Variants in CMTM4 observed in about 807,000 individuals in gnomAD.
CMTM4 encodes the protein CKLF like MARVEL transmembrane domain containing 4, also known as CKLF-like MARVEL transmembrane domain-containing protein 4.
A neutral mutation model predicts 19.0 loss-of-function variants in CMTM4; 8 were observed. The ratio of observed to expected loss-of-function variants is 0.42; its 90% CI spans 0.25 to 0.76. The LOEUF (loss-of-function observed/expected upper bound fraction) is 0.76, where lower values mean the gene tolerates loss of function less well. Ranked by LOEUF, CMTM4 falls within the 30% of genes least tolerant of loss-of-function variation. The pLI is 0.27. For synonymous variants in CMTM4, 106 were observed against 121.1 expected (o/e 0.88, Z 0.82); for missense variants, 228 against 290.2 (o/e 0.79, Z 1.56).
intron 1 of CMTM4, among the ~76,000 whole-genome samples, chr16:66,663,488 T>C (rs142832765): frequency 6.6e-6 from 1 of 151,928 alleles, no homozygotes; most frequent in African/African-American, 2.4e-5. Flanking sequence ...CCCATCCATT[T>C]TTATTTTGGA....
intron 1 of CMTM4, among the ~76,000 whole-genome samples, chr16:66,640,541 A>G (rs2016080585): frequency 6.6e-6 from 1 of 152,114 alleles, no homozygotes; most frequent in East Asian, 1.9e-4. Flanking sequence ...TCTCACTCTG[A>G]GTGTGATGGA....
chr16:66,625,000 A>G (rs1045370465), intron 2 of CMTM4, among the ~76,000 whole-genome samples: 3 of 151,460 alleles, frequency 2.0e-5, no homozygotes, highest in African/African-American at 7.2e-5. Flanking sequence ...AGGGGTAAAA[A>G]AAGAATATAA....
At chr16:66,623,581 A>C in intron 2 of CMTM4, 79 bp from the exon 3 acceptor site, 1 of 1,021,400 alleles carries the variant, frequency 9.8e-7, no homozygotes, top group Non-Finnish European at 1.4e-6. Context: ...AACTTTCAAA[A>C]TAAGACCCAC....
chr16:66,605,059 A>G, the CMTM4 span: 1 of 1,020,836 alleles, frequency 9.8e-7, no homozygotes, highest in South Asian at 2.6e-5. The surrounding 1 kb of genome is among the most constrained non-coding windows in gnomAD (Gnocchi z 4.6). Context: ...GTGCTCCGAT[A>G]CCCCCTCTCC....
intron 1 of CMTM4, among the ~76,000 whole-genome samples, chr16:66,666,320 G>T (rs951401352): frequency 2.0e-5 from 3 of 151,902 alleles, no homozygotes; most frequent in African/African-American, 4.8e-5. Flanking sequence ...AGGCGTCATG[G>T]CGGGCGCCTG....
At chr16:66,609,389 G>A in the CMTM4 span, 1 of 1,553,482 alleles carries the variant, frequency 6.4e-7, no homozygotes, top group Non-Finnish European at 8.8e-7. This position sits in a 1 kb window ranked among gnomAD's most constrained non-coding sequence, Gnocchi z 4.4. Flanking sequence ...TCCCCATGCT[G>A]TGCTCAGCTC....
At chr16:66,690,896 C>T (rs1157801516) in intron 1 of CMTM4, among the ~76,000 whole-genome samples, 1 of 151,922 alleles carries the variant, frequency 6.6e-6, no homozygotes, top group Non-Finnish European at 1.5e-5. Flanking sequence ...TGCTTGAGCT[C>T]AGGAGTTCGA....
intron 2 of CMTM4, among the ~76,000 whole-genome samples, chr16:66,628,253 C>T (rs1246104512): frequency 1.3e-5 from 2 of 152,214 alleles, no homozygotes; most frequent in African/African-American, 4.8e-5. Context: ...CTTTCTCTAT[C>T]TCAACTGCAA....
Position 66,696,300 on chromosome 16 carries a change from A to G in CMTM4, c.186+40T>C, listed in dbSNP as rs1180835342. 15 of 1,272,114 alleles carry G rather than the reference A, an allele frequency of 1.2e-5. No individual in the cohort carries two copies. The highest frequency in any genetic ancestry group is 1.4e-5 in the Non-Finnish European group (14 of 1,006,000). 78.8% of individuals were successfully genotyped at this position (1,272,114 alleles called of 1,614,324 possible). ...GGGGCGGGGAGGGAGGCGTGCGGCT[A>G]GGCCGCCCTCGGGCACCTGGGGCCC... is the stretch of plus-strand genomic sequence containing the variant. On this transcript the variant is annotated intron_variant, in intron 1 of 3. Transcript: ENST00000394106. The surrounding 1 kb of genome is among the most constrained non-coding windows in gnomAD (Gnocchi z 4.3).
rs907249286 is a variant in CMTM4 at position 66,619,747 on chromosome 16, T to C, written c.*2311A>G. On this transcript the variant is annotated 3_prime_UTR_variant, in exon 4 of 4. Transcript: ENST00000394106. ...TCCATAGCACCACTTCCGGTTCTAG[T>C]GGGAGTTAATTAAATACAAGGAGAA... 2.0e-6 allele frequency: 2 copies of C among 985,312 alleles called. No homozygotes were observed. The highest frequency in any genetic ancestry group is 4.7e-5 in the South Asian group (1 of 21,276). 61.0% of individuals were successfully genotyped at this position (985,312 alleles called of 1,614,324 possible).
chr16:66,681,669 C>A (rs2016918148), intron 1 of CMTM4, among the ~76,000 whole-genome samples: 1 of 152,180 alleles, frequency 6.6e-6, no homozygotes, highest in Admixed American at 6.5e-5. Context: ...TTCGTACCAG[C>A]CACATTTCAA....
At chr16:66,624,273 A>G (rs1235549830) in intron 2 of CMTM4, among the ~76,000 whole-genome samples, 1 of 152,232 alleles carries the variant, frequency 6.6e-6, no homozygotes, top group Non-Finnish European at 1.5e-5. Flanking sequence ...AGTGGCCTAC[A>G]TATTTACTGT....
At chr16:66,608,575 C>A in the CMTM4 span, 1 of 1,123,546 alleles carries the variant, frequency 8.9e-7, no homozygotes, top group Non-Finnish European at 1.3e-6. The surrounding 1 kb of genome is among the most constrained non-coding windows in gnomAD (Gnocchi z 5.1). Context: ...CTGGAGTTTG[C>A]AGTTGGTTAG....
chr16:66,621,840 C>T lies in CMTM4; in HGVS notation c.*218G>A, dbSNP rs1013887002. On this transcript the variant is annotated 3_prime_UTR_variant, in exon 4 of 4. Transcript: ENST00000394106. ...CTCAAGTGGACCTGGGCAGTGACGC[C>T]GGCTGCTCCACAGCCCCAAACGCTG... 2.2e-5 allele frequency: 30 copies of T among 1,392,826 alleles called. 1 individual carries two copies. Among genetic ancestry groups the T allele is most frequent in the Middle Eastern group, 5.3e-4 (2 of 3,756 alleles). The allele number at this position is 1,392,826 out of a possible 1,614,324, so 86.3% of individuals were successfully genotyped here. A position where few individuals can be genotyped will look rare whatever the true frequency, so the allele number is the denominator to read the frequency against.
At chr16:66,612,613 G>C (rs1454308687), downstream of CMTM4, 2 of 1,614,066 alleles carry the variant, frequency 1.2e-6, no homozygotes, top group African/African-American at 1.3e-5. This position sits in a 1 kb window ranked among gnomAD's most constrained non-coding sequence, Gnocchi z 6.0. Flanking sequence ...TTTCAGAAGA[G>C]AATTCCGACT....
chr16:66,607,089 T>A, the CMTM4 span, among the ~76,000 whole-genome samples: 2 of 152,196 alleles, frequency 1.3e-5, no homozygotes, highest in Non-Finnish European at 2.9e-5. Flanking sequence ...AGTCTTCTCA[T>A]CTGTCAAGTG....
chr16:66,620,562 G>A lies in CMTM4; in HGVS notation c.*1496C>T, dbSNP rs562930948. On this transcript the variant is annotated 3_prime_UTR_variant, in exon 4 of 4. Transcript: ENST00000394106. ...AGACGCCACATGTCCATAAGGTGAC[G>A]CTTTCTTGCACAGACCCCCCGCCGC... 6.1e-6 allele frequency: 6 copies of A among 985,488 alleles called. No individual in the cohort carries two copies. In the African/African-American group the frequency reaches 7.0e-5, roughly 11 times the overall value. 61.0% of individuals were successfully genotyped at this position (985,488 alleles called of 1,614,324 possible).
intron 1 of CMTM4, among the ~76,000 whole-genome samples, chr16:66,681,651 T>G (rs1410603531): frequency 1.3e-5 from 2 of 152,164 alleles, no homozygotes; most frequent in African/African-American, 2.4e-5. Flanking sequence ...TATTTATGCA[T>G]ATCTCAATTC....
the CMTM4 span, chr16:66,609,541 G>GC: frequency 1.3e-6 from 2 of 1,582,564 alleles, no homozygotes; most frequent in South Asian, 2.3e-5. The surrounding 1 kb of genome is among the most constrained non-coding windows in gnomAD (Gnocchi z 4.4). Context: ...GTGAGCAGCC[G>GC]CCCCACCCCT....
Sources: gnomAD v4.1 joint callset for allele counts (sites outside exome capture counted in the v4.1 genomes callset) on GRCh38, gnomAD v4.1.1 for gene constraint, Gnocchi (gnomAD v3.1) non-coding constraint, MANE v1.5 for transcripts, NCBI Gene and HGNC (gene_info 2026-07-23, HGNC 2026-07-21) for gene names.